Variants in C11orf54 observed in about 807,000 individuals in gnomAD.
C11orf54 encodes beta-keto L-gulonate decarboxylase.
C11orf54 carries 29 observed loss-of-function variants against 35.5 expected under a neutral mutation model. That is an observed-to-expected ratio of 0.82 (90% confidence interval 0.61 to 1.11). The LOEUF is 1.11. C11orf54 is among the 50% of genes most tolerant of loss of function. The probability of loss-of-function intolerance (pLI) is 0.00; values close to 1 mark genes in which losing one functional copy is unlikely to be tolerated. For synonymous variants in C11orf54, 108 were observed against 121.1 expected, an observed-to-expected ratio of 0.89 and a Z score of 0.71; for missense variants, 373 against 369.2, an observed-to-expected ratio of 1.01 and a Z score of -0.08.
chr11:93,743,825 G>A (rs113139642), intron 1 of C11orf54, among the ~76,000 whole-genome samples: 7 of 152,258 alleles, frequency 4.6e-5, no homozygotes, highest in African/African-American at 1.7e-4. Context: ...CTGCAGCTCC[G>A]TTTCCCTTCT....
intron 2 of C11orf54, 92 bp from the exon 3 acceptor site, chr11:93,750,254 T>G (rs1591343147): frequency 2.4e-6 from 2 of 849,806 alleles, no homozygotes; most frequent in South Asian, 1.5e-5. Flanking sequence ...AAGTTGAGAT[T>G]GGGAGTGTGT....
intron 2 of C11orf54, among the ~76,000 whole-genome samples, 179 bp downstream of exon 2, chr11:93,747,627 T>C (rs570067829): frequency 4.5e-5 from 5 of 111,626 alleles, no homozygotes; most frequent in African/African-American, 1.5e-4. Context: ...CCCATTTTTA[T>C]TGAGAAAGTC....
At chr11:93,744,221 AT>A (rs1184841115) in intron 1 of C11orf54, among the ~76,000 whole-genome samples, 1 of 152,234 alleles carries the variant, frequency 6.6e-6, no homozygotes, top group African/African-American at 2.4e-5. Flanking sequence ...ATCCACAACC[AT>A]TTAAGCACTT....
intron 3 of C11orf54, 55 bp from the exon 4 acceptor site, chr11:93,753,627 G>C: frequency 7.0e-7 from 1 of 1,438,084 alleles, no homozygotes; most frequent in Non-Finnish European, 9.7e-7. Flanking sequence ...TATTAAATTA[G>C]ATGTTTGCCT....
At chr11:93,746,580 A>G (rs555213622) in intron 1 of C11orf54, 2 of 152,334 alleles carry the variant, frequency 1.3e-5, no homozygotes, top group East Asian at 3.9e-4. Context: ...CATATATTTA[A>G]ATATCAAATT....
At chr11:93,743,579 C>T in intron 1 of C11orf54, among the ~76,000 whole-genome samples, 1 of 152,170 alleles carries the variant, frequency 6.6e-6, no homozygotes, top group East Asian at 1.9e-4. Context: ...GATGCTGGAG[C>T]CGGAGCGAGC....
intron 7 of C11orf54, 67 bp from the exon 8 acceptor site, chr11:93,759,675 A>C: frequency 7.1e-6 from 5 of 703,326 alleles, no homozygotes; most frequent in Non-Finnish European, 1.1e-5. Flanking sequence ...AGTAAAATAT[A>C]TTTTTAAAAT....
chr11:93,747,731 A>G (rs1053786895), intron 2 of C11orf54, among the ~76,000 whole-genome samples: 1 of 152,218 alleles, frequency 6.6e-6, no homozygotes, highest in African/African-American at 2.4e-5. Flanking sequence ...CAAGATGTAA[A>G]TGATTAGTAA....
At chr11:93,753,063 C>T (rs1465451394) in intron 3 of C11orf54, among the ~76,000 whole-genome samples, 3 of 152,118 alleles carry the variant, frequency 2.0e-5, no homozygotes, top group African/African-American at 7.2e-5. Context: ...TCACTGCAAC[C>T]TCTGCCCCCG....
chr11:93,757,254 GT>G, intron 6 of C11orf54, 61 bp from the exon 7 acceptor site: 1 of 1,505,420 alleles, frequency 6.6e-7, no homozygotes, highest in Non-Finnish European at 8.9e-7. Context: ...ATTATATAAT[GT>G]TTTATTTCAG....
rs768737115 is a variant in C11orf54 at position 93,750,317 on chromosome 11, T to G, written c.56-29T>G. 70 of 1,593,886 alleles carry G rather than the reference T, an allele frequency of 4.4e-5. 1 individual carries two copies. The highest frequency in any genetic ancestry group is 5.7e-5 in the Non-Finnish European group (66 of 1,163,310). ...TGGTAGCCAAGTTTTTACCTAATGTTAAATAATCTTATTCCTTGTCTTTAT... is the reference window on the plus strand; with the variant it reads ...TGGTAGCCAAGTTTTTACCTAATGTGAAATAATCTTATTCCTTGTCTTTAT... On this transcript the variant is annotated intron_variant, in intron 2 of 8. Coordinates refer to ENST00000354421, the MANE Select transcript of C11orf54 (RefSeq NM_001286069.2).
At chr11:93,753,777 A>T in intron 4 of C11orf54, 22 bp downstream of exon 4, 1 of 1,607,552 alleles carries the variant, frequency 6.2e-7, no homozygotes, top group Non-Finnish European at 8.5e-7. Flanking sequence ...TACTCTGCAT[A>T]TTCACATGAA....
At chr11:93,746,046 CAAG>C (rs1942452276) in intron 1 of C11orf54, 1 of 152,116 alleles carries the variant, frequency 6.6e-6, no homozygotes, top group Admixed American at 6.6e-5. Context: ...TGTATTAAAT[CAAG>C]AACAATAAAA....
chr11:93,754,095 T>C, intron 5 of C11orf54, 58 bp downstream of exon 5: 3 of 1,448,826 alleles, frequency 2.1e-6, no homozygotes, highest in Non-Finnish European at 2.9e-6. Context: ...GTTTGTCTTT[T>C]TGCTTTTAGT....
chr11:93,761,697 ATACT>A lies in C11orf54; in HGVS notation c.*12_*15del, dbSNP rs1456852947. 2 of 1,538,830 alleles carry A rather than the reference ATACT, an allele frequency of 1.3e-6. No individual in the cohort carries two copies. Among genetic ancestry groups the A allele is most frequent in the African/African-American group, 2.8e-5 (2 of 70,180 alleles). On this transcript the variant is annotated 3_prime_UTR_variant, in exon 9 of 9. Transcript: ENST00000354421. ...CAATTGGGCGAGATTAAATCAGCTGATACTTATTTAGAAAAAGAAATAATTAAGG... is the reference window on the plus strand; with the variant it reads ...CAATTGGGCGAGATTAAATCAGCTGATATTTAGAAAAAGAAATAATTAAGG...
chr11:93,756,350 A>G (rs1467212112), intron 6 of C11orf54, among the ~76,000 whole-genome samples: 1 of 150,440 alleles, frequency 6.6e-6, no homozygotes, highest in African/African-American at 2.4e-5. Flanking sequence ...TTAATTAGCC[A>G]GGTGTGGTGG....
chr11:93,754,923 A>AG (rs1192092271), intron 5 of C11orf54: 10 of 192,046 alleles, frequency 5.2e-5, no homozygotes, highest in South Asian at 3.6e-4. Context: ...TAGTAGAGAC[A>AG]GGTTTTCACC....
intron 8 of C11orf54, among the ~76,000 whole-genome samples, chr11:93,760,701 C>T (rs1028050499): frequency 2.0e-5 from 3 of 152,056 alleles, no homozygotes; most frequent in African/African-American, 7.2e-5. Flanking sequence ...CTCTGTTGCC[C>T]AGGCTGGAGT....
intron 2 of C11orf54, among the ~76,000 whole-genome samples, chr11:93,747,743 C>T (rs1942562224): frequency 6.6e-6 from 1 of 152,060 alleles, no homozygotes; most frequent in East Asian, 1.9e-4. Flanking sequence ...GATTAGTAAT[C>T]CAAGACTTAA....
Sources: allele counts gnomAD v4.1 joint callset (sites outside exome capture counted in the v4.1 genomes callset), GRCh38; gene constraint gnomAD v4.1.1; transcripts MANE v1.5; gene names NCBI Gene and HGNC (gene_info 2026-07-23, HGNC 2026-07-21).